RORA: variants seen among roughly 807,000 people sequenced by gnomAD.
The protein encoded by RORA is nuclear receptor ROR-alpha.
Under a neutral mutation model 69.5 loss-of-function variants are expected in RORA, and 7 were observed. The ratio of observed to expected loss-of-function variants is 0.10; its 90% CI spans 0.06 to 0.19. The LOEUF is 0.19. Among genes scored for constraint, RORA ranks in the 10% least tolerant of loss-of-function variants. The probability of loss-of-function intolerance (pLI) is 1.00; values close to 1 mark genes in which losing one functional copy is unlikely to be tolerated. For missense variants in RORA, 457 were observed against 663.0 expected, an observed-to-expected ratio of 0.69 and a Z score of 3.41; for synonymous variants, 261 against 240.8, an observed-to-expected ratio of 1.08 and a Z score of -0.78.
chr15:61,141,179 T>C (rs533945955), intron 1 of RORA, among the ~76,000 whole-genome samples: 2 of 152,312 alleles, frequency 1.3e-5, no homozygotes, highest in East Asian at 3.9e-4. Context: ...TTATAGACCA[T>C]ACAAAGAGGT....
rs1237020514 is a variant in RORA, at chr15:60,903,522, T to C, written c.167-224836A>G. ...TTGCATCAGGCCTCCTCAGTCTCTG[T>C]AGCCCAAAGCACACGATAGGGTACC... is the stretch of plus-strand genomic sequence containing the variant. On this transcript the variant is annotated intron_variant, in intron 1 of 10. Transcript: ENST00000335670. Among the ~76,000 whole-genome samples, 4 of 152,226 alleles carry C rather than the reference T, an allele frequency of 2.6e-5. No homozygotes were observed. The East Asian group carries it at 7.7e-4, about 29-fold the overall frequency.
chr15:60,978,253 G>A (rs1595857796), intron 1 of RORA, among the ~76,000 whole-genome samples: 1 of 152,090 alleles, frequency 6.6e-6, no homozygotes, highest in Non-Finnish European at 1.5e-5. Context: ...TTTTCCTAAT[G>A]AATAATTTTC....
chr15:60,768,064 G>T (rs2072017134), intron 1 of RORA, among the ~76,000 whole-genome samples: 1 of 152,132 alleles, frequency 6.6e-6, no homozygotes, highest in African/African-American at 2.4e-5. Context: ...GGGCTCCTTG[G>T]GGGAAGTGAA....
At chr15:60,590,864 C>G (rs1384995230) in intron 2 of RORA, among the ~76,000 whole-genome samples, 1 of 152,148 alleles carries the variant, frequency 6.6e-6, no homozygotes, top group Non-Finnish European at 1.5e-5. Context: ...TCCCATTCCC[C>G]TCAAGCCACA....
At chr15:61,004,621 A>G (rs966763317) in intron 1 of RORA, among the ~76,000 whole-genome samples, 2 of 152,060 alleles carry the variant, frequency 1.3e-5, no homozygotes, top group African/African-American at 4.8e-5. Flanking sequence ...TATTGATTAA[A>G]CCTCTTACAC....
chr15:60,840,998 T>C (rs765514425), intron 1 of RORA: 1 of 681,354 alleles, frequency 1.5e-6, no homozygotes, highest in Middle Eastern at 7.4e-4. Context: ...ACCACCTCCT[T>C]CCTCGACAAC....
At position 60,588,662 on chromosome 15, in the gene RORA, T is replaced by C. The variant is rs1308378005; in HGVS notation, c.197-56811A>G. On this transcript the variant is annotated intron_variant, in intron 2 of 10. Transcript: ENST00000335670. The stretch of plus-strand genomic sequence containing the variant: ...AAAGATAGGAGAAAAAGGAGACTAA[T>C]GAGAATTATTAATATATTTACAAGT... Among the ~76,000 whole-genome samples, 2 of 152,204 alleles carry C rather than the reference T, an allele frequency of 1.3e-5. 1 individual carries two copies. The highest frequency in any genetic ancestry group is 1.3e-4 in the Admixed American group (2 of 15,278).
chr15:61,217,712 T>G (rs1401020378), intron 1 of RORA, among the ~76,000 whole-genome samples: 1 of 152,058 alleles, frequency 6.6e-6, no homozygotes, highest in African/African-American at 2.4e-5. Context: ...ATATGTTGAA[T>G]GAAAGAATGC....
intron 1 of RORA, among the ~76,000 whole-genome samples, chr15:60,984,359 G>A (rs28505341): frequency 0.11 from 16,287 of 151,646 alleles, 1,080 homozygotes; most frequent in African/African-American, 0.19. Context: ...AAAAAGAATC[G>A]TGACAATAGT....
chr15:60,660,494 C>T lies in RORA; in HGVS notation c.196+18163G>A, dbSNP rs147637608. On this transcript the variant is annotated intron_variant, in intron 2 of 10. Transcript: ENST00000335670. ...CTTAGACCGTGGAGCAGCCTAACAG[C>T]ACAGATAGTATTTTCAGTTGTAGTT... 4.5e-3 allele frequency among the ~76,000 whole-genome samples: 692 copies of T among 152,268 alleles called. 7 individuals are homozygous for T. Among genetic ancestry groups the T allele is most frequent in the Middle Eastern group, 0.02 (6 of 294 alleles).
chr15:60,795,985 T>A (rs927773129), intron 1 of RORA, among the ~76,000 whole-genome samples: 3 of 152,238 alleles, frequency 2.0e-5, no homozygotes, highest in African/African-American at 7.2e-5. Context: ...TCAAAATGTG[T>A]AAAGCCTATG....
chr15:60,958,352 T>A (rs1037848612), intron 1 of RORA, among the ~76,000 whole-genome samples: 2 of 152,162 alleles, frequency 1.3e-5, no homozygotes, highest in African/African-American at 4.8e-5. Flanking sequence ...GCTAATGTGG[T>A]CCACTGCCCC....
chr15:60,518,831 T>C (rs2066056676), intron 3 of RORA, among the ~76,000 whole-genome samples: 1 of 144,946 alleles, frequency 6.9e-6, no homozygotes, highest in Non-Finnish European at 1.5e-5. Context: ...GTCCCCTGTA[T>C]GGTGTGGCAT....
intron 1 of RORA, among the ~76,000 whole-genome samples, chr15:60,978,541 A>AT (rs1893941378): frequency 6.6e-6 from 1 of 152,082 alleles, no homozygotes; most frequent in African/African-American, 2.4e-5. Flanking sequence ...CAATTTACCA[A>AT]TTTTTTTCTT....
At chr15:60,560,563 TCTGTGCCTGC>T (rs2067506355) in intron 2 of RORA, among the ~76,000 whole-genome samples, 1 of 151,624 alleles carries the variant, frequency 6.6e-6, no homozygotes, top group South Asian at 2.1e-4. Flanking sequence ...GTGGTGCCAG[TCTGTGCCTGC>T]CTGTAGTCTC....
At chr15:60,838,484 T>C (rs1171469122) in intron 1 of RORA, among the ~76,000 whole-genome samples, 1 of 152,154 alleles carries the variant, frequency 6.6e-6, no homozygotes, top group African/African-American at 2.4e-5. Context: ...GCCTCTGTGG[T>C]GCAGGGCTGC....
intron 1 of RORA, among the ~76,000 whole-genome samples, chr15:60,805,444 T>C (rs1011339602): frequency 1.3e-5 from 2 of 151,668 alleles, no homozygotes; most frequent in Non-Finnish European, 2.9e-5. Context: ...AAGGGAGGAG[T>C]CAGGAGTCAG....
At chr15:61,141,998 T>C (rs1312039761) in intron 1 of RORA, among the ~76,000 whole-genome samples, 2 of 152,032 alleles carry the variant, frequency 1.3e-5, no homozygotes, top group Admixed American at 6.5e-5. Flanking sequence ...AGGGTAAATA[T>C]GGGGAAAGCC....
At chr15:60,500,879 T>C in intron 9 of RORA, 80 bp downstream of exon 9, 4 of 750,006 alleles carry the variant, frequency 5.3e-6, no homozygotes, top group Non-Finnish European at 6.8e-6. Context: ...ATTTTATAGC[T>C]ATTAAACGTA....
Sources: gnomAD v4.1 joint callset for allele counts (sites outside exome capture counted in the v4.1 genomes callset) on GRCh38, gnomAD v4.1.1 for gene constraint, MANE v1.5 for transcripts, NCBI Gene and HGNC (gene_info 2026-07-23, HGNC 2026-07-21) for gene names.